Variants in PAN3 observed in about 807,000 individuals in gnomAD.
PAN3 encodes PAN2-PAN3 deadenylation complex subunit PAN3.
In PAN3, 19 loss-of-function variants were observed where a neutral mutation model predicts 96.2. The ratio of observed to expected loss-of-function variants is 0.20; its 90% CI spans 0.14 to 0.29. The LOEUF is 0.29. Ranked by LOEUF, PAN3 falls within the 10% of genes least tolerant of loss-of-function variation. The pLI, the probability that PAN3 is intolerant of heterozygous loss-of-function variation, is 1.00. For missense variants in PAN3, 882 were observed against 1,108.1 expected, an observed-to-expected ratio of 0.80 and a Z score of 2.90; for synonymous variants, 433 against 406.6, an observed-to-expected ratio of 1.06 and a Z score of -0.78.
intron 6 of PAN3, among the ~76,000 whole-genome samples, chr13:28,255,066 T>C (rs1885028677): frequency 6.6e-6 from 1 of 152,198 alleles, no homozygotes; most frequent in African/African-American, 2.4e-5. Flanking sequence ...AGAAAACATG[T>C]TGGTATCTTA....
In PAN3 at chr13:28,185,100, A is replaced by G. The variant is rs75424471; in HGVS notation, c.690+7165A>G. On this transcript the variant is annotated intron_variant, in intron 4 of 18. Coordinates refer to ENST00000380958, the MANE Select transcript of PAN3 (RefSeq NM_175854.8). ...GGGCCGTCCTTGTTTTTATATAATT[A>G]ATTTGAATACACTGTGATTTTTATT... 6.9e-3 allele frequency among the ~76,000 whole-genome samples: 1,045 copies of G among 152,242 alleles called. 11 individuals carry two copies. Among genetic ancestry groups the G allele is most frequent in the African/African-American group, 0.024 (1,010 of 41,552 alleles).
intron 15 of PAN3, 130 bp downstream of exon 15, chr13:28,277,506 T>G (rs1887161068): frequency 1.0e-5 from 9 of 882,712 alleles, no homozygotes; most frequent in Non-Finnish European, 1.5e-5. Flanking sequence ...ATGTCTTTAT[T>G]TTTATTGCAA....
chr13:28,142,530 T>TTTTTTTTTTTTTTTTA (rs1869997874), intron 1 of PAN3, among the ~76,000 whole-genome samples: 1 of 145,546 alleles, frequency 6.9e-6, no homozygotes, highest in African/African-American at 2.6e-5. Flanking sequence ...TTTTTTTTTT[T>TTTTTTTTTTTTTTTTA]GAGACAGGGA....
At chr13:28,282,549 TATA>T (rs1459876978) in intron 17 of PAN3, among the ~76,000 whole-genome samples, 4 of 152,232 alleles carry the variant, frequency 2.6e-5, no homozygotes, top group Admixed American at 1.3e-4. Flanking sequence ...ATTCCCCCAA[TATA>T]TAATTCAGCT....
At chr13:28,180,828 A>C (rs886831720) in intron 4 of PAN3, among the ~76,000 whole-genome samples, 2 of 152,210 alleles carry the variant, frequency 1.3e-5, no homozygotes, top group East Asian at 1.9e-4. Context: ...ACTATATGCT[A>C]TGTGGACAAA....
At chr13:28,221,290 C>T (rs1881380892) in intron 6 of PAN3, among the ~76,000 whole-genome samples, 2 of 151,746 alleles carry the variant, frequency 1.3e-5, no homozygotes, top group South Asian at 4.2e-4. Context: ...TTGAGTTGCA[C>T]ACACAAATTA....
At chr13:28,270,578 T>C (rs1240999975) in intron 12 of PAN3, 123 bp from the exon 13 acceptor site, 3 of 969,006 alleles carry the variant, frequency 3.1e-6, no homozygotes, top group East Asian at 5.2e-5. Flanking sequence ...TACACACACA[T>C]ATATAAATTG....
intron 7 of PAN3, among the ~76,000 whole-genome samples, chr13:28,257,346 CT>C (rs1885226366): frequency 6.6e-6 from 1 of 152,002 alleles, no homozygotes; most frequent in Non-Finnish European, 1.5e-5. Context: ...AGCTTCATTA[CT>C]TCATCCATAT....
At chr13:28,200,635 A>G (rs1046175580) in intron 5 of PAN3, among the ~76,000 whole-genome samples, 16 of 152,218 alleles carry the variant, frequency 1.1e-4, no homozygotes, top group African/African-American at 3.9e-4. Flanking sequence ...TCTGCCAAAC[A>G]TGGCATTTAT....
chr13:28,273,932 GAGA>G (rs1886845005), intron 14 of PAN3, among the ~76,000 whole-genome samples: 1 of 152,206 alleles, frequency 6.6e-6, no homozygotes, highest in Non-Finnish European at 1.5e-5. Flanking sequence ...AGGATAAAAT[GAGA>G]AGTAGAGTCT....
At chr13:28,211,958 G>A (rs182941545) in intron 5 of PAN3, among the ~76,000 whole-genome samples, 15 of 152,296 alleles carry the variant, frequency 9.8e-5, no homozygotes, top group African/African-American at 3.4e-4. Flanking sequence ...GACCAAACTG[G>A]AAGTCCACAG....
intron 1 of PAN3, among the ~76,000 whole-genome samples, chr13:28,143,120 G>T (rs77714364): frequency 0.071 from 10,702 of 150,410 alleles, 1,290 homozygotes; most frequent in African/African-American, 0.25. Context: ...TTTTGTTTTT[G>T]TTTTTTTTGA....
At chr13:28,163,623 A>G (rs907069418) in intron 1 of PAN3, among the ~76,000 whole-genome samples, 2 of 152,206 alleles carry the variant, frequency 1.3e-5, no homozygotes, top group African/African-American at 4.8e-5. Context: ...TGTAACTCCA[A>G]GTATTTTTTC....
Position 28,141,456 on chromosome 13 carries a change from TTTTTTC to T in PAN3, c.430+2375_430+2380del, listed in dbSNP as rs1258494176. ...GATCATTCTAGGATTTTCTTTTTCT[TTTTTTC>T]TTTTTTTTTTTTTTTTTTTTTTGAG... On this transcript the variant is annotated intron_variant, in intron 1 of 18. Coordinates refer to ENST00000380958, the MANE Select transcript of PAN3 (RefSeq NM_175854.8). 7.7e-3 allele frequency among the ~76,000 whole-genome samples: 1,108 copies of T among 143,680 alleles called. 22 individuals are homozygous for T. Among genetic ancestry groups the T allele is most frequent in the African/African-American group, 0.028 (1,060 of 37,558 alleles). The allele number at this position is 143,680 out of a possible 152,430, so 94.3% of individuals were successfully genotyped here. A position where few individuals can be genotyped will look rare whatever the true frequency, so the allele number is the denominator to read the frequency against.
At chr13:28,204,063 C>T (rs1452359510) in intron 5 of PAN3, among the ~76,000 whole-genome samples, 1 of 152,134 alleles carries the variant, frequency 6.6e-6, no homozygotes, top group Non-Finnish European at 1.5e-5. Context: ...CCCACCTTGG[C>T]CTCCCAAAGT....
chr13:28,224,082 A>G (rs145338986), intron 6 of PAN3, among the ~76,000 whole-genome samples: 1,742 of 151,640 alleles, frequency 0.011, 23 homozygotes, highest in African/African-American at 0.04. Flanking sequence ...CATGTTAGCC[A>G]GGATGGTCTC....
intron 13 of PAN3, among the ~76,000 whole-genome samples, chr13:28,271,338 C>T (rs1480213966): frequency 6.6e-6 from 1 of 152,170 alleles, no homozygotes; most frequent in Non-Finnish European, 1.5e-5. Flanking sequence ...ACAACTGGTA[C>T]AGTTATCAGT....
At chr13:28,208,984 C>CA (rs1337915583) in intron 5 of PAN3, among the ~76,000 whole-genome samples, 1 of 152,164 alleles carries the variant, frequency 6.6e-6, no homozygotes, top group East Asian at 1.9e-4. Flanking sequence ...ACAACCTCCT[C>CA]ACCACCCGCA....
At chr13:28,142,832 A>G (rs1368388247) in intron 1 of PAN3, among the ~76,000 whole-genome samples, 1 of 152,184 alleles carries the variant, frequency 6.6e-6, no homozygotes, top group Non-Finnish European at 1.5e-5. Context: ...GATAGAGCAT[A>G]ATTCTCTCCA....
Sources: gnomAD v4.1 joint callset for allele counts (sites outside exome capture counted in the v4.1 genomes callset) on GRCh38, gnomAD v4.1.1 for gene constraint, MANE v1.5 for transcripts, NCBI Gene and HGNC (gene_info 2026-07-23, HGNC 2026-07-21) for gene names.